ZNF713: variants seen among roughly 807,000 people sequenced by gnomAD.
ZNF713 encodes the protein zinc finger protein 713.
In ZNF713, 21 loss-of-function variants were observed where a neutral mutation model predicts 28.7. The observed-to-expected ratio is 0.73, with a 90% CI of 0.52 to 1.05. ZNF713 has a LOEUF of 1.05. ZNF713 is among the 50% of genes least tolerant of loss of function. The pLI, the probability that ZNF713 is intolerant of heterozygous loss-of-function variation, is 0.00. For synonymous variants in ZNF713, 167 were observed against 178.0 expected (o/e 0.94, Z 0.49); for missense variants, 458 against 532.4 (o/e 0.86, Z 1.37).
In ZNF713 at chr7:55,939,568, G is replaced by A. The variant is rs755945746; in HGVS notation, c.894G>A (p.Arg298=). ...AATGTGGAAAAAGATTCAGCCAGAG[G>A]ATACATCTCATTCAACATCAGAGAA... is the stretch of plus-strand genomic sequence containing the variant. The part of the protein sequence containing the change: ...CDECGKRFSQ[R]IHLIQHQRIH... Residue 298 remains arginine (R), a synonymous_variant, in exon 7 of 7, where the codon AGG becomes AGA. Coordinates refer to ENST00000429591, the MANE Select transcript of ZNF713 (RefSeq NM_182633.3). 2.3e-5 allele frequency: 37 copies of A among 1,613,968 alleles called. No individual in the cohort carries two copies. The highest frequency in any genetic ancestry group is 4.5e-5 in the East Asian group (2 of 44,884).
At chr7:55,934,625 C>T (rs530031014) in intron 6 of ZNF713, among the ~76,000 whole-genome samples, 5 of 152,186 alleles carry the variant, frequency 3.3e-5, no homozygotes, top group East Asian at 3.9e-4. Flanking sequence ...TCACCTCAGC[C>T]TCCCTAATAG....
At chr7:55,921,262 G>A (rs1422423513) in intron 4 of ZNF713, among the ~76,000 whole-genome samples, 2 of 152,154 alleles carry the variant, frequency 1.3e-5, no homozygotes, top group African/African-American at 4.8e-5. Flanking sequence ...TGATGGAGAT[G>A]TACAAGAAGA....
chr7:55,923,799 G>A, intron 6 of ZNF713, 100 bp downstream of exon 6: 1 of 823,524 alleles, frequency 1.2e-6, no homozygotes, highest in Non-Finnish European at 1.9e-6. Context: ...GGGATATAAG[G>A]AATACTAAGC....
intron 1 of ZNF713, among the ~76,000 whole-genome samples, chr7:55,890,093 CTCT>C (rs1037560514): frequency 9.2e-5 from 14 of 152,092 alleles, no homozygotes; most frequent in South Asian, 4.1e-4. Context: ...ATTCCTGTGC[CTCT>C]TCTTCTTATG....
At chr7:55,902,807 T>G (rs894238127) in intron 1 of ZNF713, among the ~76,000 whole-genome samples, 1 of 151,924 alleles carries the variant, frequency 6.6e-6, no homozygotes, top group Non-Finnish European at 1.5e-5. Context: ...AGAACATTAG[T>G]GAAATGTGAA....
chr7:55,935,493 T>C (rs189934463), intron 6 of ZNF713, among the ~76,000 whole-genome samples: 1 of 152,264 alleles, frequency 6.6e-6, no homozygotes, highest in African/African-American at 2.4e-5. Flanking sequence ...TACATACACA[T>C]AGTTACTCAT....
intron 6 of ZNF713, 92 bp from the exon 7 acceptor site, chr7:55,938,885 GTTTTA>G (rs1786407158): frequency 7.6e-7 from 1 of 1,312,420 alleles, no homozygotes; most frequent in South Asian, 1.5e-5. Flanking sequence ...ATTACTGTCA[GTTTTA>G]TTTGGTAATT....
chr7:55,939,147 A>G lies in ZNF713; in HGVS notation c.473A>G (p.Glu158Gly). The G allele has an allele frequency of 6.2e-7, 1 of 1,614,104 alleles. No homozygotes were observed. Among genetic ancestry groups the G allele is most frequent in the Non-Finnish European group, 8.5e-7 (1 of 1,180,008 alleles). Residue 158 changes from glutamate to glycine, a missense_variant, in exon 7 of 7, where the codon GAA (glutamate) becomes GGA (glycine). By Grantham distance (98) the Glu-to-Gly change is moderately conservative. Transcript: ENST00000429591. ...GATTACCATCCAGAGTTTAACCAAG[A>G]AAACCACAAGAGATATTTAGGACAA... ...DFDYHPEFNQ[E>G]NHKRYLGQVT...
intron 6 of ZNF713, among the ~76,000 whole-genome samples, chr7:55,927,535 G>C (rs1433268649): frequency 6.6e-6 from 1 of 151,674 alleles, no homozygotes; most frequent in Non-Finnish European, 1.5e-5. Flanking sequence ...AAAAGCAAAA[G>C]AATTGTTCTA....
chr7:55,903,535 CACACT>C (rs1785616646), intron 1 of ZNF713, among the ~76,000 whole-genome samples: 1 of 151,832 alleles, frequency 6.6e-6, no homozygotes, highest in Non-Finnish European at 1.5e-5. Flanking sequence ...CCAGGTGTGG[CACACT>C]CCTGTAATCC....
intron 6 of ZNF713, 62 bp downstream of exon 6, chr7:55,923,761 C>A: frequency 1.5e-6 from 2 of 1,330,320 alleles, no homozygotes; most frequent in Non-Finnish European, 2.1e-6. Flanking sequence ...CTGAACCACT[C>A]AGTGGAGTGT....
At chr7:55,896,899 A>C (rs1785483457) in intron 1 of ZNF713, among the ~76,000 whole-genome samples, 1 of 152,170 alleles carries the variant, frequency 6.6e-6, no homozygotes, top group Non-Finnish European at 1.5e-5. Flanking sequence ...TGCTTAAGAA[A>C]GGAGAAAGCC....
At chr7:55,893,128 C>T (rs1785419367) in intron 1 of ZNF713, among the ~76,000 whole-genome samples, 1 of 151,922 alleles carries the variant, frequency 6.6e-6, no homozygotes, top group African/African-American at 2.4e-5. Context: ...CATGATCTGC[C>T]CGCCTCAGCC....
rs1181132673 is a variant in ZNF713, at chr7:55,887,868, CGGCGGCGGCGGCGGCGGCG to C, written c.-583+206_-583+224del. On this transcript the variant is annotated intron_variant, in intron 1 of 6. Coordinates refer to ENST00000429591, the MANE Select transcript of ZNF713 (RefSeq NM_182633.3). ...GGCGGCGGCGGCGGGCGGCGGGCGGCGGCGGCGGCGGCGGCGGCGGGCGGCGGCGGCGGCGGGAGGCGGC... is the reference window on the plus strand; with the variant it reads ...GGCGGCGGCGGCGGGCGGCGGGCGGCGGCGGCGGCGGCGGCGGGAGGCGGC... Among the ~76,000 whole-genome samples the C allele has an allele frequency of 3.2e-3, 24 of 7,618 alleles. 7 individuals are homozygous for C. The South Asian group carries it at 0.073, about 23-fold the overall frequency. 5.0% of individuals were successfully genotyped at this position (7,618 alleles called of 152,430 possible).
chr7:55,900,535 A>G (rs913804297), intron 1 of ZNF713, among the ~76,000 whole-genome samples: 1 of 152,180 alleles, frequency 6.6e-6, no homozygotes, highest in Non-Finnish European at 1.5e-5. Flanking sequence ...GGGAAATTAT[A>G]TTATTCGTGA....
intron 4 of ZNF713, among the ~76,000 whole-genome samples, chr7:55,914,331 A>G (rs898097474): frequency 6.6e-6 from 1 of 152,114 alleles, no homozygotes; most frequent in East Asian, 1.9e-4. Context: ...TATGTAGCCA[A>G]TAAACTCATT....
At chr7:55,915,239 G>GT (rs1785858727) in intron 4 of ZNF713, among the ~76,000 whole-genome samples, 1 of 152,206 alleles carries the variant, frequency 6.6e-6, no homozygotes, top group African/African-American at 2.4e-5. Context: ...CAAGGAGTTA[G>GT]TTTTAATTTT....
chr7:55,888,731 A>ACACG (rs1785324304), intron 1 of ZNF713, among the ~76,000 whole-genome samples: 1 of 49,216 alleles, frequency 2.0e-5, no homozygotes, highest in Non-Finnish European at 3.4e-5. Context: ...CTGAATACAT[A>ACACG]TACGTACATA....
intron 4 of ZNF713, among the ~76,000 whole-genome samples, chr7:55,920,954 C>G (rs753026720): frequency 3.0e-4 from 46 of 152,154 alleles, no homozygotes; most frequent in Middle Eastern, 3.4e-3. Flanking sequence ...AAGAAGTCAA[C>G]TCATGGCTTC....
Sources: gnomAD v4.1 joint callset for allele counts (sites outside exome capture counted in the v4.1 genomes callset) on GRCh38, gnomAD v4.1.1 for gene constraint, MANE v1.5 for transcripts, NCBI Gene and HGNC (gene_info 2026-07-23, HGNC 2026-07-21) for gene names.